Variants in L3HYPDH observed in about 807,000 individuals in gnomAD.
L3HYPDH encodes the protein trans-3-hydroxy-L-proline dehydratase.
A neutral mutation model predicts 26.5 loss-of-function variants in L3HYPDH; 32 were observed. The ratio of observed to expected loss-of-function variants is 1.21; its 90% CI spans 0.91 to 1.62. The LOEUF (loss-of-function observed/expected upper bound fraction) is 1.62, where lower values mean the gene tolerates loss of function less well. L3HYPDH is among the 40% of genes most tolerant of loss of function. The probability of loss-of-function intolerance (pLI) is 0.00; values close to 1 mark genes in which losing one functional copy is unlikely to be tolerated. For synonymous variants in L3HYPDH, 215 were observed against 196.6 expected, an observed-to-expected ratio of 1.09 and a Z score of -0.78; for missense variants, 554 against 476.4, an observed-to-expected ratio of 1.16 and a Z score of -1.52.
chr14:59,491,035 G>A, the L3HYPDH span, among the ~76,000 whole-genome samples: 1 of 152,192 alleles, frequency 6.6e-6, no homozygotes, highest in African/African-American at 2.4e-5. Context: ...GCTTTGCCTA[G>A]GAAATTGGTA....
chr14:59,477,534 CT>C (rs1889720634), intron 2 of L3HYPDH, among the ~76,000 whole-genome samples: 1 of 152,102 alleles, frequency 6.6e-6, no homozygotes, highest in Non-Finnish European at 1.5e-5. Context: ...AAAATTACAC[CT>C]TTTATTAAGA....
At chr14:59,502,531 G>A in the L3HYPDH span, among the ~76,000 whole-genome samples, 1 of 152,122 alleles carries the variant, frequency 6.6e-6, no homozygotes, top group Non-Finnish European at 1.5e-5. Context: ...TGACTTTTAG[G>A]TAAGATAATA....
downstream of L3HYPDH, among the ~76,000 whole-genome samples, chr14:59,468,186 C>A (rs1287637408): frequency 6.6e-6 from 1 of 152,218 alleles, no homozygotes; most frequent in Non-Finnish European, 1.5e-5. Flanking sequence ...CCAGTAGTTA[C>A]AGGCCAGCCT....
At chr14:59,487,535 C>T, upstream of L3HYPDH, 2 of 608,638 alleles carry the variant, frequency 3.3e-6, no homozygotes, top group Non-Finnish European at 5.7e-6. Flanking sequence ...TTACTTATGC[C>T]CTCTTTTTTA....
At chr14:59,496,146 T>G in the L3HYPDH span, among the ~76,000 whole-genome samples, 1 of 152,192 alleles carries the variant, frequency 6.6e-6, no homozygotes, top group African/African-American at 2.4e-5. Context: ...CCTTAAGTGA[T>G]CTACCCACCT....
chr14:59,470,838 T>A (rs1889289191), downstream of L3HYPDH, among the ~76,000 whole-genome samples: 1 of 151,014 alleles, frequency 6.6e-6, no homozygotes, highest in Non-Finnish European at 1.5e-5. Context: ...AGGGAAGGAG[T>A]TAGCAGTGAC....
chr14:59,499,056 ACT>A, the L3HYPDH span: 2 of 471,392 alleles, frequency 4.2e-6, no homozygotes. Context: ...ATGGAATCTC[ACT>A]CTATCACCAG....
Position 59,475,890 on chromosome 14 carries a change from T to C in L3HYPDH, c.918A>G (p.Val306=), listed in dbSNP as rs1009691263. 6 of 1,613,254 alleles carry C rather than the reference T, an allele frequency of 3.7e-6. No individual in the cohort carries two copies. The highest frequency in any genetic ancestry group is 5.1e-6 in the Non-Finnish European group (6 of 1,179,806). ...RAFKSSATGS[V]FTGKAVREAK... is the part of the protein sequence containing the mutation. ...TTACCCTCACAGCTTTCCCTGTGAA[T>C]ACTGAGCCAGTTGCACTGCTTTTGA... The change falls in exon 4 of 5, where the codon GTA becomes GTG. Residue 306 remains valine, a synonymous_variant. Transcript: ENST00000247194.
chr14:59,479,240 G>C lies in L3HYPDH; in HGVS notation c.620C>G (p.Ala207Gly). ...AEKLGLDICS[A>G]KTRDLVDAAS... ...TGCATCCACAAGGTCCCTGGTCTTT[G>C]CAGAACAAATGTCTAGTCCTAACTT... The change falls in exon 2 of 5, where the codon GCA (alanine) becomes GGA (glycine). Residue 207 changes from alanine to glycine, a missense_variant. Coordinates refer to ENST00000247194, the MANE Select transcript of L3HYPDH (RefSeq NM_144581.2). The C allele has an allele frequency of 6.2e-7, 1 of 1,613,468 alleles. No individual in the cohort carries two copies. Among genetic ancestry groups the C allele is most frequent in the Non-Finnish European group, 8.5e-7 (1 of 1,179,884 alleles).
chr14:59,465,497 C>T (rs1889137001), intron 1 of L3HYPDH, among the ~76,000 whole-genome samples: 1 of 152,258 alleles, frequency 6.6e-6, no homozygotes, highest in African/African-American at 2.4e-5. Context: ...CGGAGGTTAC[C>T]GGCCCGGGTG....
intron 4 of L3HYPDH, 87 bp downstream of exon 4, chr14:59,475,782 T>C: frequency 7.7e-7 from 1 of 1,293,760 alleles, no homozygotes; most frequent in Non-Finnish European, 1.1e-6. Flanking sequence ...GAGAGCTGAG[T>C]GAAGAAATTT....
At chr14:59,484,576 C>T (rs781548608), upstream of L3HYPDH, 3 of 1,574,486 alleles carry the variant, frequency 1.9e-6, no homozygotes, top group Non-Finnish European at 2.6e-6. Flanking sequence ...TCGAAAAAAA[C>T]CTTCAGGCGG....
upstream of L3HYPDH, chr14:59,485,258 TCCTTA>T (rs1253305187): frequency 9.1e-6 from 7 of 767,142 alleles, no homozygotes; most frequent in African/African-American, 3.6e-5. Context: ...AGTTTCCAAT[TCCTTA>T]CCTTCTGCAT....
At chr14:59,473,607 T>C (rs1889421160) in intron 4 of L3HYPDH, among the ~76,000 whole-genome samples, 1 of 152,138 alleles carries the variant, frequency 6.6e-6, no homozygotes, top group South Asian at 2.1e-4. Context: ...CAAGGTGAGT[T>C]TGAGACACCT....
upstream of L3HYPDH, chr14:59,485,114 T>G: frequency 6.3e-7 from 1 of 1,598,404 alleles, no homozygotes; most frequent in Non-Finnish European, 8.5e-7. Context: ...TGGGTTTTGC[T>G]TAGTAAGTGA....
Position 59,483,800 on chromosome 14 carries a change from G to T in L3HYPDH, c.508+9C>A, listed in dbSNP as rs747168902. 2 of 1,591,450 alleles carry T rather than the reference G, an allele frequency of 1.3e-6. No homozygotes were observed. Among genetic ancestry groups the T allele is most frequent in the South Asian group, 2.2e-5 (2 of 89,420 alleles). ...CTCTGCCCTGGGCTGGAAAGGTCCCGCCCATTACCTGTGGCCAGCACGAAG... is the reference window on the plus strand; with the variant it reads ...CTCTGCCCTGGGCTGGAAAGGTCCCTCCCATTACCTGTGGCCAGCACGAAG... On this transcript the variant is annotated intron_variant, in intron 1 of 4. Coordinates refer to ENST00000247194, the MANE Select transcript of L3HYPDH (RefSeq NM_144581.2).
chr14:59,504,321 T>G, the L3HYPDH span: 120,494 of 461,498 alleles, frequency 0.26, 16,811 homozygotes, highest in South Asian at 0.42. Context: ...AAGCCCTTGC[T>G]TCTCTCAACA....
upstream of L3HYPDH, chr14:59,487,753 T>C: frequency 6.2e-7 from 1 of 1,613,294 alleles, no homozygotes; most frequent in Non-Finnish European, 8.5e-7. Flanking sequence ...TATGATTGGC[T>C]CTATCTTGGA....
chr14:59,486,850 G>T, upstream of L3HYPDH: 1 of 1,253,758 alleles, frequency 8.0e-7, no homozygotes. Flanking sequence ...AAATCTATTT[G>T]CTTTTGAAAT....
Sources: allele counts gnomAD v4.1 joint callset (sites outside exome capture counted in the v4.1 genomes callset), GRCh38; gene constraint gnomAD v4.1.1; transcripts MANE v1.5; gene names NCBI Gene and HGNC (gene_info 2026-07-23, HGNC 2026-07-21).